RAD23B: variants seen among roughly 807,000 people sequenced by gnomAD.
The protein encoded by RAD23B is RAD23 nucleotide excision repair protein B.
In RAD23B, 5 loss-of-function variants were observed where a neutral mutation model predicts 49.1. That is an observed-to-expected ratio of 0.10 (90% CI 0.05 to 0.21). RAD23B has a LOEUF of 0.21. RAD23B is among the 10% of genes least tolerant of loss of function. The pLI is 1.00. For synonymous variants in RAD23B, 184 were observed against 165.4 expected (o/e 1.11, Z -0.86); for missense variants, 356 against 486.7 (o/e 0.73, Z 2.53).
At chr9:107,314,946 AATGTTTTTTGCCAGTC>A (rs1202374698) in intron 5 of RAD23B, among the ~76,000 whole-genome samples, 1 of 152,036 alleles carries the variant, frequency 6.6e-6, no homozygotes, top group Admixed American at 6.6e-5. Flanking sequence ...TCTTTTGAAG[AATGTTTTTTGCCAGTC>A]ATGTTTTTTG....
rs1827049128 is a variant in RAD23B, at chr9:107,318,837, C to T, written c.639C>T (p.Ala213=). The change falls in exon 6 of 10, where the codon GCC becomes GCT. Residue 213 remains alanine (A), a synonymous_variant. Coordinates refer to ENST00000358015, the MANE Select transcript of RAD23B (RefSeq NM_002874.5). This position sits in a 1 kb window ranked among gnomAD's most constrained non-coding sequence, Gnocchi z 4.3. ...AGCAAGTAATTGCAGCCCTGAGAGC[C>T]AGTTTCAACAACCCTGACAGAGCAG... ...EREQVIAALR[A]SFNNPDRAVE... is the part of the protein sequence containing the mutation. The T allele has an allele frequency of 6.2e-7, 1 of 1,613,574 alleles. No homozygotes were observed. The highest frequency in any genetic ancestry group is 8.5e-7 in the Non-Finnish European group (1 of 1,179,676).
chr9:107,322,733 T>C (rs2133095951), intron 7 of RAD23B, among the ~76,000 whole-genome samples: 2 of 152,354 alleles, frequency 1.3e-5, no homozygotes, highest in Middle Eastern at 6.8e-3. Context: ...ACTGTTGATC[T>C]TGAAAAGGCC....
intron 7 of RAD23B, among the ~76,000 whole-genome samples, chr9:107,322,927 A>C (rs986122874): frequency 6.6e-6 from 1 of 152,162 alleles, no homozygotes; most frequent in Non-Finnish European, 1.5e-5. Flanking sequence ...TTCAGCACTT[A>C]TTAGGTGACA....
chr9:107,320,711 A>G (rs1237839327), intron 6 of RAD23B, among the ~76,000 whole-genome samples: 1 of 152,164 alleles, frequency 6.6e-6, no homozygotes, highest in Non-Finnish European at 1.5e-5. Context: ...ATAAAGATGA[A>G]CTTTTTAGTT....
intron 1 of RAD23B, among the ~76,000 whole-genome samples, chr9:107,291,119 A>T (rs11573629): frequency 0.059 from 8,982 of 152,292 alleles, 380 homozygotes; most frequent in South Asian, 0.12. Flanking sequence ...ACAATACATG[A>T]ACAGATTCTG....
In RAD23B at chr9:107,321,113, T is replaced by TAA. The variant is rs201287929; in HGVS notation, c.682-869_682-868dup. On this transcript the variant is annotated intron_variant, in intron 6 of 9. Transcript: ENST00000358015. ...TTTAGTGCATGCAGTTTTAAGCTCT[T>TAA]AATAACTTTAAAAGATAAGTACTAT... is the stretch of plus-strand genomic sequence containing the variant. Among the ~76,000 whole-genome samples the TAA allele has an allele frequency of 8.1e-3, 1,241 of 152,274 alleles. 5 individuals carry two copies. The highest frequency in any genetic ancestry group is 0.013 in the Non-Finnish European group (902 of 68,000).
At position 107,330,608 on chromosome 9, in the gene RAD23B, C is replaced by T. The variant is rs11573725; in HGVS notation, c.*952C>T. On this transcript the variant is annotated 3_prime_UTR_variant, in exon 10 of 10. Transcript: ENST00000358015. The surrounding 1 kb of genome is among the most constrained non-coding windows in gnomAD (Gnocchi z 4.4). ...AAACTGCTGCCTTTTAAAAAACCCA[C>T]AAAATGCTGATTCAGTTCAAAATTA... 713 of 152,736 alleles carry T rather than the reference C, an allele frequency of 4.7e-3. 7 individuals are homozygous for T. The highest frequency in any genetic ancestry group is 0.016 in the African/African-American group (684 of 41,552). 9.5% of individuals were successfully genotyped at this position (152,736 alleles called of 1,614,324 possible). A position where few individuals can be genotyped will look rare whatever the true frequency, so the allele number is the denominator to read the frequency against.
At chr9:107,301,940 C>A in intron 2 of RAD23B, 95 bp from the exon 3 acceptor site, 2 of 1,435,408 alleles carry the variant, frequency 1.4e-6, no homozygotes. Context: ...TTTAATATTT[C>A]TGAAATATTC....
rs763010277 is a variant in RAD23B at position 107,306,488 on chromosome 9, C to G, written c.338C>G (p.Pro113Arg). 2.7e-5 allele frequency: 44 copies of G among 1,614,108 alleles called. No homozygotes were observed. Among genetic ancestry groups the G allele is most frequent in the Non-Finnish European group, 3.6e-5 (43 of 1,180,048 alleles). Residue 113 changes from proline (P) to arginine (R), a missense_variant, in exon 4 of 10, where the codon CCT becomes CGT. This residue lies in a region of RAD23B where 137 missense variants were observed against 122.0 expected (regional missense o/e 1.12). Coordinates refer to ENST00000358015, the MANE Select transcript of RAD23B (RefSeq NM_002874.5). ...ACAACTGTGGCTCAGGCTCCAACCC[C>G]TGTCCCTGCCTTGGCCCCCACTTCC... ...TTTTVAQAPT[P>R]VPALAPTSTP... is the part of the protein sequence containing the mutation.
intron 2 of RAD23B, 69 bp downstream of exon 2, chr9:107,300,291 A>G (rs1446790648): frequency 6.6e-7 from 1 of 1,504,958 alleles, no homozygotes; most frequent in Non-Finnish European, 8.9e-7. Context: ...ATGTTATCTT[A>G]TATATTGTAG....
At chr9:107,301,256 G>T (rs1274771809) in intron 2 of RAD23B, among the ~76,000 whole-genome samples, 1 of 152,140 alleles carries the variant, frequency 6.6e-6, no homozygotes, top group Non-Finnish European at 1.5e-5. Flanking sequence ...CTTTGATAGT[G>T]TTAGAACATT....
At chr9:107,309,891 G>A (rs867080117) in intron 4 of RAD23B, among the ~76,000 whole-genome samples, 4 of 141,740 alleles carry the variant, frequency 2.8e-5, no homozygotes, top group Admixed American at 7.5e-5. Context: ...AGATTGCGCC[G>A]CTGCACTCCA....
rs11573673 is a variant in RAD23B at position 107,310,734 on chromosome 9, G to A, written c.498-948G>A. Among the ~76,000 whole-genome samples the A allele has an allele frequency of 4.7e-3, 721 of 152,214 alleles. 9 individuals carry two copies. Among genetic ancestry groups the A allele is most frequent in the African/African-American group, 0.016 (671 of 41,530 alleles). On this transcript the variant is annotated intron_variant, in intron 4 of 9. Coordinates refer to ENST00000358015, the MANE Select transcript of RAD23B (RefSeq NM_002874.5). The stretch of plus-strand genomic sequence containing the variant: ...TCATAGTATTCTTATTGGGTGTTAC[G>A]ATGCCAGACACTTTGCTAAGCACTG...
At chr9:107,294,982 CAA>C (rs1213432006) in intron 1 of RAD23B, among the ~76,000 whole-genome samples, 1 of 149,532 alleles carries the variant, frequency 6.7e-6, no homozygotes, top group Non-Finnish European at 1.5e-5. Flanking sequence ...TCACACGTGA[CAA>C]GAGGAAGATA....
rs1827209556 is a variant in RAD23B at position 107,326,624 on chromosome 9, TTTC to T, written c.1116+1623_1116+1625del. On this transcript the variant is annotated intron_variant, in intron 9 of 9. Coordinates refer to ENST00000358015, the MANE Select transcript of RAD23B (RefSeq NM_002874.5). The stretch of plus-strand genomic sequence containing the variant: ...GTTACTTGTCTATTCAACTTTTGTA[TTTC>T]TTTTTTTTTTTTTTTTTTTTTTTTG... 3.4e-5 allele frequency among the ~76,000 whole-genome samples: 4 copies of T among 118,792 alleles called. No homozygotes were observed. In the South Asian group the frequency reaches 1.1e-3, roughly 34 times the overall value. 77.9% of individuals were successfully genotyped at this position (118,792 alleles called of 152,430 possible).
intron 5 of RAD23B, among the ~76,000 whole-genome samples, chr9:107,312,558 G>A (rs1490012018): frequency 6.6e-6 from 1 of 150,892 alleles, no homozygotes; most frequent in Non-Finnish European, 1.5e-5. Flanking sequence ...TGTACATTTA[G>A]TGGCAAAACG....
chr9:107,323,696 G>A (rs1294613216), intron 7 of RAD23B, among the ~76,000 whole-genome samples, 194 bp from the exon 8 acceptor site: 1 of 152,102 alleles, frequency 6.6e-6, no homozygotes, highest in Non-Finnish European at 1.5e-5. Context: ...TTTGCTAATA[G>A]GAGTAATTTT....
At chr9:107,306,284 C>T in intron 3 of RAD23B, 95 bp from the exon 4 acceptor site, 1 of 1,191,662 alleles carries the variant, frequency 8.4e-7, no homozygotes, top group South Asian at 1.5e-5. Flanking sequence ...GTTATTAGTG[C>T]TATGTTTGTG....
Position 107,306,045 on chromosome 9 carries a change from T to TTATATATATATATATA in RAD23B, c.229-329_229-328insATATATATATATATAT, listed in dbSNP as rs1374828264. On this transcript the variant is annotated intron_variant, in intron 3 of 9. Coordinates refer to ENST00000358015, the MANE Select transcript of RAD23B (RefSeq NM_002874.5). ...AGTTTTTTTGGGAAAATGATACGGT[T>TTATATATATATATATA]TATATCTATATATATATATATATAT... Among the ~76,000 whole-genome samples the TTATATATATATATATA allele has an allele frequency of 2.2e-4, 6 of 26,796 alleles. 1 individual carries two copies. The highest frequency in any genetic ancestry group is 7.7e-4 in the African/African-American group (6 of 7,816). The allele number at this position is 26,796 out of a possible 152,430, so 17.6% of individuals were successfully genotyped here.
Sources: allele counts gnomAD v4.1 joint callset (sites outside exome capture counted in the v4.1 genomes callset), GRCh38; gene constraint gnomAD v4.1.1; regional missense constraint gnomAD v4.1.1; non-coding constraint Gnocchi (gnomAD v3.1); transcripts MANE v1.5; gene names NCBI Gene and HGNC (gene_info 2026-07-23, HGNC 2026-07-21).